The following RAB39A variants were observed in gnomAD, a reference collection of about 807,000 sequenced individuals.
RAB39A encodes RAB39A, member RAS oncogene family, also known as ras-related protein Rab-39A.
Under a neutral mutation model 20.9 loss-of-function variants are expected in RAB39A, and 17 were observed. The observed-to-expected ratio is 0.81, with a 90% CI of 0.56 to 1.22. The LOEUF (loss-of-function observed/expected upper bound fraction) is 1.22. RAB39A is among the 50% of genes most tolerant of loss of function. The pLI is 0.00. For synonymous variants in RAB39A, 99 were observed against 103.4 expected (o/e 0.96, Z 0.26); for missense variants, 234 against 270.5 (o/e 0.87, Z 0.95).
intron 1 of RAB39A, among the ~76,000 whole-genome samples, chr11:107,940,197 G>A (rs1008266670): frequency 1.3e-5 from 2 of 151,952 alleles, no homozygotes; most frequent in Non-Finnish European, 2.9e-5. Flanking sequence ...GTGATACTGA[G>A]GTACACACAC....
At chr11:107,961,159 C>T (rs1861492380) in intron 1 of RAB39A, among the ~76,000 whole-genome samples, 2 of 152,136 alleles carry the variant, frequency 1.3e-5, no homozygotes, top group South Asian at 4.1e-4. Context: ...AACAAATTAC[C>T]ACAGAATGGG....
chr11:107,929,852 A>C (rs1296735214), intron 1 of RAB39A, among the ~76,000 whole-genome samples: 1 of 152,190 alleles, frequency 6.6e-6, no homozygotes, highest in East Asian at 1.9e-4. Context: ...GATGTATTGT[A>C]CTGTTCTGTT....
intron 1 of RAB39A, among the ~76,000 whole-genome samples, chr11:107,943,842 C>A (rs1056585549): frequency 9.2e-5 from 14 of 152,092 alleles, no homozygotes; most frequent in African/African-American, 3.4e-4. Context: ...TGCCTGTAAT[C>A]CCAGCCCTTT....
chr11:107,937,896 CAT>C (rs1261621903), intron 1 of RAB39A, among the ~76,000 whole-genome samples: 2 of 152,078 alleles, frequency 1.3e-5, no homozygotes, highest in East Asian at 3.9e-4. Context: ...GTTACACAGA[CAT>C]ATAATACAAA....
In RAB39A at chr11:107,952,677, C is replaced by T. The variant is rs909907992; in HGVS notation, c.228-9269C>T. On this transcript the variant is annotated intron_variant, in intron 1 of 1. Transcript: ENST00000320578. ...CAGGCAGATCATGAGGTCAAGAGAT[C>T]GAGACCATTCTGGCCAATGTGGTGA... 5.3e-5 allele frequency among the ~76,000 whole-genome samples: 8 copies of T among 151,734 alleles called. 1 individual carries two copies. In the South Asian group the frequency reaches 1.0e-3, roughly 20 times the overall value.
At chr11:107,961,676 A>G (rs1267636559) in intron 1 of RAB39A, among the ~76,000 whole-genome samples, 1 of 151,098 alleles carries the variant, frequency 6.6e-6, no homozygotes, top group African/African-American at 2.5e-5. Context: ...GCAAAAACAA[A>G]TAATCAGACA....
intron 1 of RAB39A, among the ~76,000 whole-genome samples, chr11:107,941,819 G>C (rs576245602): frequency 6.6e-6 from 1 of 152,116 alleles, no homozygotes. Flanking sequence ...CGGGCCAGTC[G>C]CAGTGGCTCA....
intron 1 of RAB39A, among the ~76,000 whole-genome samples, chr11:107,939,840 C>T (rs1470213365): frequency 1.3e-5 from 2 of 151,986 alleles, no homozygotes; most frequent in Non-Finnish European, 2.9e-5. Flanking sequence ...GACTCACTGG[C>T]TTCATGTTGA....
chr11:107,930,197 A>G (rs1328692265), intron 1 of RAB39A, among the ~76,000 whole-genome samples: 1 of 152,192 alleles, frequency 6.6e-6, no homozygotes, highest in Admixed American at 6.5e-5. Context: ...TATTGATTGG[A>G]TTTGTACAAC....
At chr11:107,960,477 T>C (rs1380005272) in intron 1 of RAB39A, among the ~76,000 whole-genome samples, 1 of 152,154 alleles carries the variant, frequency 6.6e-6, no homozygotes, top group Non-Finnish European at 1.5e-5. Context: ...GGGTAGAAGA[T>C]ATTCCAAATA....
chr11:107,960,245 G>A (rs892255831), intron 1 of RAB39A, among the ~76,000 whole-genome samples: 5 of 151,670 alleles, frequency 3.3e-5, no homozygotes, highest in African/African-American at 7.3e-5. Flanking sequence ...AACAAACATT[G>A]TATGACATCT....
At chr11:107,949,978 C>G (rs191180934) in intron 1 of RAB39A, among the ~76,000 whole-genome samples, 1 of 151,870 alleles carries the variant, frequency 6.6e-6, no homozygotes, top group Non-Finnish European at 1.5e-5. Flanking sequence ...CGAGACCATC[C>G]TGGCTAACAC....
chr11:107,958,037 A>G (rs990027595), intron 1 of RAB39A, among the ~76,000 whole-genome samples: 2 of 152,052 alleles, frequency 1.3e-5, no homozygotes, highest in African/African-American at 4.8e-5. Flanking sequence ...GACTACAGGC[A>G]TGCACCACCA....
At chr11:107,947,795 A>G (rs1861333309) in intron 1 of RAB39A, among the ~76,000 whole-genome samples, 1 of 130,384 alleles carries the variant, frequency 7.7e-6, no homozygotes, top group Admixed American at 9.2e-5. Context: ...AGAAAGGAAC[A>G]GCATCAACAG....
chr11:107,959,322 G>C (rs888672542), intron 1 of RAB39A, among the ~76,000 whole-genome samples: 4 of 152,158 alleles, frequency 2.6e-5, no homozygotes, highest in African/African-American at 9.7e-5. Flanking sequence ...TTCAGTCTAA[G>C]AACATAGCCT....
At chr11:107,931,863 C>CTTTTTT (rs35328521) in intron 1 of RAB39A, among the ~76,000 whole-genome samples, 1 of 118,048 alleles carries the variant, frequency 8.5e-6, no homozygotes, top group African/African-American at 3.2e-5. Context: ...TTCTTTCCTT[C>CTTTTTT]TTTTTTTTTT....
chr11:107,937,366 C>T (rs751379096), intron 1 of RAB39A, among the ~76,000 whole-genome samples: 1 of 151,954 alleles, frequency 6.6e-6, no homozygotes, highest in Non-Finnish European at 1.5e-5. Flanking sequence ...TTTTGAACTT[C>T]TTGCTTCAAG....
At chr11:107,949,735 A>T (rs1002314583) in intron 1 of RAB39A, among the ~76,000 whole-genome samples, 4 of 152,246 alleles carry the variant, frequency 2.6e-5, no homozygotes, top group Non-Finnish European at 4.4e-5. Flanking sequence ...CCTTGAAAAC[A>T]ATTAGTGAAG....
rs537827074 is a variant in RAB39A, at chr11:107,961,220, A to G, written c.228-726A>G. 2.0e-5 allele frequency among the ~76,000 whole-genome samples: 3 copies of G among 152,334 alleles called. No individual in the cohort carries two copies. In the South Asian group the frequency reaches 6.2e-4, roughly 32 times the overall value. On this transcript the variant is annotated intron_variant, in intron 1 of 1. Coordinates refer to ENST00000320578, the MANE Select transcript of RAB39A (RefSeq NM_017516.3). ...TCACAATTTTGGAAGCTGGAAGTGG[A>G]TGATCAGGGAGATCCTGGTGCCAGC...
Sources: gnomAD v4.1 joint callset for allele counts (sites outside exome capture counted in the v4.1 genomes callset) on GRCh38, gnomAD v4.1.1 for gene constraint, MANE v1.5 for transcripts, NCBI Gene and HGNC (gene_info 2026-07-23, HGNC 2026-07-21) for gene names.